Variants in FLT4 observed in about 807,000 individuals in gnomAD.
The protein encoded by FLT4 is fms related receptor tyrosine kinase 4.
FLT4 carries 30 observed loss-of-function variants against 163.2 expected under a neutral mutation model. The ratio of observed to expected loss-of-function variants is 0.18; its 90% CI spans 0.14 to 0.25. The LOEUF is 0.25. Ranked by LOEUF, FLT4 falls within the 10% of genes least tolerant of loss-of-function variation. FLT4 has a pLI of 1.00. For synonymous variants in FLT4, 884 were observed against 789.5 expected, an observed-to-expected ratio of 1.12 and a Z score of -2.01; for missense variants, 1,510 against 1,863.8, an observed-to-expected ratio of 0.81 and a Z score of 3.50.
Position 180,620,451 on chromosome 5 carries a change from C to T in FLT4, c.2407-143G>A. On this transcript the variant is annotated intron_variant, in intron 16 of 29. Coordinates refer to ENST00000261937, the MANE Select transcript of FLT4 (RefSeq NM_182925.5). The surrounding 1 kb of genome is among the most constrained non-coding windows in gnomAD (Gnocchi z 4.4). ...GGGGACAGAAAAAAAGACAGACAACCTCTGCGGGGTTGGAGCCCAGCGTGA... is the reference window on the plus strand; with the variant it reads ...GGGGACAGAAAAAAAGACAGACAACTTCTGCGGGGTTGGAGCCCAGCGTGA... The T allele has an allele frequency of 1.6e-6, 2 of 1,286,144 alleles. No homozygotes were observed. Among genetic ancestry groups the T allele is most frequent in the Non-Finnish European group, 2.2e-6 (2 of 894,058 alleles). The allele number at this position is 1,286,144 out of a possible 1,614,324, so 79.7% of individuals were successfully genotyped here.
intron 1 of FLT4, among the ~76,000 whole-genome samples, chr5:180,646,301 T>A (rs917971636): frequency 1.3e-5 from 2 of 152,116 alleles, no homozygotes; most frequent in South Asian, 4.1e-4. Flanking sequence ...CACCCCAGTT[T>A]ATCCCCTGGG....
At chr5:180,648,154 C>G (rs1010947712) in intron 1 of FLT4, among the ~76,000 whole-genome samples, 3 of 152,238 alleles carry the variant, frequency 2.0e-5, no homozygotes, top group Admixed American at 1.3e-4. Context: ...CAAATACATC[C>G]TGAGCACCTG....
chr5:180,612,684 C>T (rs901837638), intron 25 of FLT4, 73 bp from the exon 26 acceptor site: 1 of 1,095,854 alleles, frequency 9.1e-7, no homozygotes, highest in African/African-American at 1.5e-5. Context: ...CCCCAGCCTT[C>T]CTGGGCCCTC....
intron 1 of FLT4, among the ~76,000 whole-genome samples, chr5:180,645,298 G>C (rs1765435962): frequency 6.6e-6 from 1 of 152,250 alleles, no homozygotes; most frequent in Non-Finnish European, 1.5e-5. Context: ...ACCAGGAGGA[G>C]GGGGCCTGAG....
chr5:180,619,477 C>T, intron 18 of FLT4, 111 bp from the exon 19 acceptor site: 1 of 963,316 alleles, frequency 1.0e-6, no homozygotes, highest in East Asian at 2.4e-5. Flanking sequence ...GGACATCCTG[C>T]CGGCCCCACT....
Position 180,623,577 on chromosome 5 carries a change from G to C in FLT4, c.1548+358C>G, listed in dbSNP as rs1258647257. Among the ~76,000 whole-genome samples the C allele has an allele frequency of 6.6e-6, 1 of 152,194 alleles. No homozygotes were observed. The highest frequency in any genetic ancestry group is 1.5e-5 in the Non-Finnish European group (1 of 68,020). On this transcript the variant is annotated intron_variant, in intron 11 of 29. Transcript: ENST00000261937. The surrounding 1 kb of genome is among the most constrained non-coding windows in gnomAD (Gnocchi z 5.8). ...ACCCCCTTCTCGGCGTTGCCCCCAG[G>C]CTGCGCCAGCGGCTCAGCAGCCCTC...
intron 10 of FLT4, among the ~76,000 whole-genome samples, chr5:180,625,245 G>A (rs546093778): frequency 2.0e-4 from 31 of 152,222 alleles, no homozygotes; most frequent in South Asian, 4.1e-4. Context: ...GCCCACCTGG[G>A]CGTCCTCCTC....
At position 180,621,641 on chromosome 5, in the gene FLT4, G is replaced by A. The variant is rs55667289; in HGVS notation, c.1921C>T (p.Pro641Ser). ...CCCTCGTGCTCGGGCGCGACGCGGG[G>A]GATACTCAGGCTGAGCGTGGCGTGG... ...ARHATLSLSIPRVAPEHEGHY... is the reference protein window; with the variant it reads ...ARHATLSLSISRVAPEHEGHY... The change falls in exon 13 of 30, where the codon CCC becomes TCC. Residue 641 changes from proline to serine, a missense_variant. Physicochemically the swap from Pro to Ser is moderately conservative, Grantham distance 74. Transcript: ENST00000261937. 8,487 of 1,606,982 alleles carry A rather than the reference G, an allele frequency of 5.3e-3. 32 individuals are homozygous for A. The highest frequency in any genetic ancestry group is 6.4e-3 in the Non-Finnish European group (7,522 of 1,175,430).
chr5:180,630,817 T>C lies in FLT4; in HGVS notation c.156-18A>G. On this transcript the variant is annotated intron_variant, in intron 2 of 29. Transcript: ENST00000261937. This position sits in a 1 kb window ranked among gnomAD's most constrained non-coding sequence, Gnocchi z 6.3. ...GCTGTCCCCTGGCAGAGGACAGGAG[T>C]GGTCAGGTGGGCCCCAGGGCAGCCC... 2 of 1,590,734 alleles carry C rather than the reference T, an allele frequency of 1.3e-6. No homozygotes were observed. The highest frequency in any genetic ancestry group is 1.7e-6 in the Non-Finnish European group (2 of 1,173,060).
In FLT4 at chr5:180,602,498, A is replaced by C; in HGVS notation, c.*694T>G. 2.5e-6 allele frequency: 1 copy of C among 398,744 alleles called. No individual in the cohort carries two copies. Among genetic ancestry groups the C allele is most frequent in the South Asian group, 1.4e-4 (1 of 7,046 alleles). 24.7% of individuals were successfully genotyped at this position (398,744 alleles called of 1,614,324 possible). A position where few individuals can be genotyped will look rare whatever the true frequency, so the allele number is the denominator to read the frequency against. ...TCTCAGCAGCTCTAACAGTCTGTGA[A>C]GTTCTGTTGAAAAAGACTTGCAGGA... is the stretch of plus-strand genomic sequence containing the variant. On this transcript the variant is annotated 3_prime_UTR_variant, in exon 30 of 30. Transcript: ENST00000261937.
Position 180,603,369 on chromosome 5 carries a change from A to G in FLT4, c.3915T>C (p.Asn1305=). The G allele has an allele frequency of 6.2e-7, 1 of 1,614,108 alleles. No homozygotes were observed. Among genetic ancestry groups the G allele is most frequent in the Non-Finnish European group, 8.5e-7 (1 of 1,179,996 alleles). The change falls in exon 30 of 30, where the codon AAT becomes AAC. Residue 1305 remains asparagine, a synonymous_variant. Coordinates refer to ENST00000261937, the MANE Select transcript of FLT4 (RefSeq NM_182925.5). The stretch of plus-strand genomic sequence containing the variant: ...CAGGGTGTGCCCTGGTCACAGCCAC[A>G]TTCTGGCCAGGTCCTTTACAGCTGC... ...SGFSCKGPGQ[N]VAVTRAHPDS...
chr5:180,604,273 G>A (rs1204432573), intron 29 of FLT4, among the ~76,000 whole-genome samples: 2 of 152,028 alleles, frequency 1.3e-5, no homozygotes, highest in Non-Finnish European at 2.9e-5. Context: ...CGGCACCACC[G>A]TCCCCTCAGC....
intron 8 of FLT4, among the ~76,000 whole-genome samples, chr5:180,627,153 T>C (rs528985952): frequency 6.6e-6 from 1 of 152,228 alleles, no homozygotes; most frequent in South Asian, 2.1e-4. Flanking sequence ...ATGGAGATGC[T>C]CCTCCTTTGG....
At position 180,602,745 on chromosome 5, in the gene FLT4, T is replaced by C; in HGVS notation, c.*447A>G. The C allele has an allele frequency of 2.2e-6, 1 of 463,422 alleles. No individual in the cohort carries two copies. The highest frequency in any genetic ancestry group is 3.7e-5 in the Admixed American group (1 of 26,742). The allele number at this position is 463,422 out of a possible 1,614,324, so 28.7% of individuals were successfully genotyped here. On this transcript the variant is annotated 3_prime_UTR_variant, in exon 30 of 30. Transcript: ENST00000261937. Reference sequence around the variant, plus strand: ...CTCGTGGGGAGAGTAGCTGTGTGCCTGAGGAGGAAAGGGCGTTTGGGAGAC... The same window carrying C: ...CTCGTGGGGAGAGTAGCTGTGTGCCCGAGGAGGAAAGGGCGTTTGGGAGAC...
intron 1 of FLT4, among the ~76,000 whole-genome samples, chr5:180,632,682 G>A (rs898090710): frequency 7.2e-5 from 11 of 152,182 alleles, no homozygotes; most frequent in African/African-American, 2.7e-4. Flanking sequence ...GCCTGGGTGT[G>A]TGAGTCTGTG....
rs767283379 is a variant in FLT4 at position 180,621,580 on chromosome 5, T to C, written c.1982A>G (p.His661Arg). ...YVCEVQDRRS[H>R]DKHCHKKYLS... is the part of the protein sequence containing the mutation. ...GTACTTCTTGTGGCAGTGCTTGTCA[T>C]GGCTGCGCCGGTCTTGCACTTCGCA... Residue 661 changes from histidine to arginine, a missense_variant, in exon 13 of 30, where the codon CAT (histidine) becomes CGT (arginine). Around this residue, in one of 5 missense-constraint regions of FLT4, gnomAD observed 878 missense variants for 1,016.7 expected, o/e 0.86. Coordinates refer to ENST00000261937, the MANE Select transcript of FLT4 (RefSeq NM_182925.5). 8 of 1,611,968 alleles carry C rather than the reference T, an allele frequency of 5.0e-6. No individual in the cohort carries two copies. Among genetic ancestry groups the C allele is most frequent in the Non-Finnish European group, 6.8e-6 (8 of 1,179,414 alleles).
chr5:180,649,128 C>G (rs1765625345), intron 1 of FLT4, among the ~76,000 whole-genome samples: 1 of 151,672 alleles, frequency 6.6e-6, no homozygotes, highest in African/African-American at 2.4e-5. Context: ...GCGGGGACCC[C>G]GCGGGGAAGC....
chr5:180,616,658 A>G (rs1160320208), intron 22 of FLT4, among the ~76,000 whole-genome samples, 169 bp from the exon 23 acceptor site: 3 of 152,132 alleles, frequency 2.0e-5, no homozygotes, highest in Non-Finnish European at 1.5e-5. Context: ...TCATGGAGAG[A>G]GCTTGTGGAA....
chr5:180,622,533 A>G (rs1311821151), intron 12 of FLT4, among the ~76,000 whole-genome samples, 198 bp downstream of exon 12: 1 of 152,202 alleles, frequency 6.6e-6, no homozygotes. Flanking sequence ...GGTTGGGGAC[A>G]GAGGATGCCA....
Sources: gnomAD v4.1 joint callset for allele counts (sites outside exome capture counted in the v4.1 genomes callset) on GRCh38, gnomAD v4.1.1 for gene constraint, gnomAD v4.1.1 regional missense constraint, Gnocchi (gnomAD v3.1) non-coding constraint, MANE v1.5 for transcripts, NCBI Gene and HGNC (gene_info 2026-07-23, HGNC 2026-07-21) for gene names.